Variants in SYT1 observed in about 807,000 individuals in gnomAD.
SYT1 encodes the protein synaptotagmin-1.
SYT1 carries 8 observed loss-of-function variants against 44.8 expected under a neutral mutation model. The ratio of observed to expected loss-of-function variants is 0.18; its 90% CI spans 0.10 to 0.32. The LOEUF (loss-of-function observed/expected upper bound fraction) is 0.32, where lower values mean the gene tolerates loss of function less well. Among genes scored for constraint, SYT1 ranks in the 10% least tolerant of loss-of-function variants. The pLI is 1.00. For synonymous variants in SYT1, 154 were observed against 188.8 expected (o/e 0.82, Z 1.51); for missense variants, 286 against 509.3 (o/e 0.56, Z 4.22).
At chr12:79,110,045 G>T (rs1321667678) in intron 3 of SYT1, among the ~76,000 whole-genome samples, 1 of 152,062 alleles carries the variant, frequency 6.6e-6, no homozygotes, top group Non-Finnish European at 1.5e-5. Flanking sequence ...ATAAATTTTG[G>T]TTGAATTACG....
chr12:79,072,022 ACAT>A lies in SYT1; in HGVS notation c.-18+24663_-18+24665del, dbSNP rs200565079. ...TTTAAAAGGTAATGATTTAATTAAA[ACAT>A]CAGAGAATAAAATGACATATTGTTT... On this transcript the variant is annotated intron_variant, in intron 3 of 10. Coordinates refer to ENST00000261205, the MANE Select transcript of SYT1 (RefSeq NM_005639.3). Among the ~76,000 whole-genome samples, 1,226 of 152,268 alleles carry A rather than the reference ACAT, an allele frequency of 8.1e-3. 19 individuals are homozygous for A. The highest frequency in any genetic ancestry group is 0.028 in the African/African-American group (1,167 of 41,558).
chr12:79,199,738 T>C (rs921899814), intron 3 of SYT1, among the ~76,000 whole-genome samples: 4 of 152,160 alleles, frequency 2.6e-5, no homozygotes, highest in Non-Finnish European at 2.9e-5. Context: ...TATAAATACG[T>C]ATCATAAGCA....
chr12:79,324,119 T>G (rs2138989352), intron 8 of SYT1, among the ~76,000 whole-genome samples: 1 of 151,964 alleles, frequency 6.6e-6, no homozygotes, highest in East Asian at 1.9e-4. Context: ...CCTGGCTAAT[T>G]TTTTGTATTT....
At chr12:79,348,443 A>G (rs1403667470) in intron 8 of SYT1, among the ~76,000 whole-genome samples, 1 of 152,174 alleles carries the variant, frequency 6.6e-6, no homozygotes, top group Non-Finnish European at 1.5e-5. Context: ...GACTAGAGTA[A>G]TAACCCTATG....
At chr12:79,214,200 T>A (rs933537308) in intron 3 of SYT1, among the ~76,000 whole-genome samples, 8 of 152,222 alleles carry the variant, frequency 5.3e-5, no homozygotes, top group East Asian at 3.8e-4. Context: ...ATGATTTTTT[T>A]AAATTTCACA....
chr12:79,339,017 C>T (rs997345699), intron 8 of SYT1, among the ~76,000 whole-genome samples: 48 of 152,244 alleles, frequency 3.2e-4, no homozygotes, highest in African/African-American at 1.1e-3. Context: ...TTTATGGCTG[C>T]GTAGTATTCC....
chr12:79,269,896 T>C (rs1408818143), intron 4 of SYT1, among the ~76,000 whole-genome samples: 1 of 152,218 alleles, frequency 6.6e-6, no homozygotes, highest in African/African-American at 2.4e-5. Context: ...TGAGAAATTC[T>C]TCATTTGGAC....
chr12:79,220,305 C>CT (rs1875080717), intron 4 of SYT1, among the ~76,000 whole-genome samples: 1 of 151,872 alleles, frequency 6.6e-6, no homozygotes, highest in Non-Finnish European at 1.5e-5. Flanking sequence ...AGTCTTCTCT[C>CT]TTTTTTCTCT....
In SYT1 at chr12:78,941,055, C is replaced by CT. The variant is rs1384559478; in HGVS notation, c.-216-36735dup. Among the ~76,000 whole-genome samples the CT allele has an allele frequency of 4.6e-3, 396 of 85,960 alleles. 1 individual carries two copies. Among genetic ancestry groups the CT allele is most frequent in the Non-Finnish European group, 7.7e-3 (291 of 37,754 alleles). The allele number at this position is 85,960 out of a possible 152,430, so 56.4% of individuals were successfully genotyped here. A position where few individuals can be genotyped will look rare whatever the true frequency, so the allele number is the denominator to read the frequency against. ...TTTTTCTTTTCTTTACTTTTTTTTT[C>CT]TTTTTTTTTCTTTTTTTTTTTTTTT... On this transcript the variant is annotated intron_variant, in intron 1 of 10. Coordinates refer to ENST00000261205, the MANE Select transcript of SYT1 (RefSeq NM_005639.3).
At chr12:78,983,322 T>G (rs1258293338) in intron 2 of SYT1, among the ~76,000 whole-genome samples, 2 of 152,100 alleles carry the variant, frequency 1.3e-5, no homozygotes, top group Non-Finnish European at 2.9e-5. Context: ...GGCTCCAATG[T>G]GGCCATTATG....
chr12:79,358,211 A>C (rs1883186037), intron 9 of SYT1, among the ~76,000 whole-genome samples: 1 of 152,176 alleles, frequency 6.6e-6, no homozygotes, highest in African/African-American at 2.4e-5. Flanking sequence ...AAATTCTGAA[A>C]GTTTTCTATT....
At chr12:79,026,696 T>TC (rs1872561953) in intron 2 of SYT1, among the ~76,000 whole-genome samples, 1 of 141,072 alleles carries the variant, frequency 7.1e-6, no homozygotes, top group Non-Finnish European at 1.5e-5. Flanking sequence ...TATATATATA[T>TC]ATATATCACA....
At chr12:79,163,877 T>C (rs1871095047) in intron 3 of SYT1, among the ~76,000 whole-genome samples, 1 of 152,124 alleles carries the variant, frequency 6.6e-6, no homozygotes, top group Non-Finnish European at 1.5e-5. Flanking sequence ...TTCAAACATT[T>C]TTCTCATTGT....
At chr12:79,132,170 G>C (rs1181644334) in intron 3 of SYT1, among the ~76,000 whole-genome samples, 1 of 152,118 alleles carries the variant, frequency 6.6e-6, no homozygotes, top group African/African-American at 2.4e-5. Context: ...AGACATACAG[G>C]CCGAGAGTGG....
At chr12:79,045,765 C>T (rs1385593700) in intron 2 of SYT1, 1 of 152,276 alleles carries the variant, frequency 6.6e-6, no homozygotes, top group African/African-American at 2.4e-5. Flanking sequence ...CCACAGATGG[C>T]TCGTAAGTCA....
At chr12:78,939,848 A>T (rs1878257181) in intron 1 of SYT1, among the ~76,000 whole-genome samples, 1 of 152,200 alleles carries the variant, frequency 6.6e-6, no homozygotes, top group Admixed American at 6.5e-5. Context: ...CACTACATTT[A>T]TAGAGAAATT....
chr12:78,870,308 G>A (rs978284157), intron 1 of SYT1, among the ~76,000 whole-genome samples: 8 of 151,954 alleles, frequency 5.3e-5, no homozygotes, highest in African/African-American at 1.9e-4. Flanking sequence ...TTAAATTCAG[G>A]TATGGTACTG....
At chr12:79,075,279 A>G (rs773846781) in intron 3 of SYT1, among the ~76,000 whole-genome samples, 8 of 152,036 alleles carry the variant, frequency 5.3e-5, no homozygotes, top group Non-Finnish European at 1.2e-4. Context: ...CCTACTCTCC[A>G]TCTTTGTTAC....
At chr12:78,980,717 A>G (rs1305537191) in intron 2 of SYT1, among the ~76,000 whole-genome samples, 1 of 152,232 alleles carries the variant, frequency 6.6e-6, no homozygotes. Flanking sequence ...GGGAAGAATC[A>G]TTGAAAACAA....
Sources: gnomAD v4.1 joint callset for allele counts (sites outside exome capture counted in the v4.1 genomes callset) on GRCh38, gnomAD v4.1.1 for gene constraint, MANE v1.5 for transcripts, NCBI Gene and HGNC (gene_info 2026-07-23, HGNC 2026-07-21) for gene names.